ACAP2: variants seen among roughly 807,000 people sequenced by gnomAD.
ACAP2 encodes the protein ArfGAP with coiled-coil, ankyrin repeat and PH domains 2, also known as arf-GAP with coiled-coil, ANK repeat and PH domain-containing protein 2.
Under a neutral mutation model 115.8 loss-of-function variants are expected in ACAP2, and 39 were observed. The observed-to-expected ratio is 0.34, with a 90% CI of 0.26 to 0.44. The LOEUF (loss-of-function observed/expected upper bound fraction) is 0.44. Among genes scored for constraint, ACAP2 ranks in the 20% least tolerant of loss-of-function variants. The pLI is 1.00. For synonymous variants in ACAP2, 289 were observed against 315.8 expected (o/e 0.92, Z 0.90); for missense variants, 662 against 927.6 (o/e 0.71, Z 3.72).
At chr3:195,340,973 CTAAG>C (rs1229002113) in intron 6 of ACAP2, among the ~76,000 whole-genome samples, 1 of 152,070 alleles carries the variant, frequency 6.6e-6, no homozygotes, top group East Asian at 1.9e-4. Flanking sequence ...GCCAAGTTAC[CTAAG>C]TAATTTTTAA....
At chr3:195,280,745 C>T (rs1726448016) in intron 22 of ACAP2, 1 of 152,202 alleles carries the variant, frequency 6.6e-6, no homozygotes, top group Admixed American at 6.5e-5. Flanking sequence ...ATCAATCCCT[C>T]AGACGAAGGA....
At chr3:195,280,031 GTGCAGT>G (rs1349733978) in intron 22 of ACAP2, among the ~76,000 whole-genome samples, 1 of 151,538 alleles carries the variant, frequency 6.6e-6, no homozygotes, top group African/African-American at 2.4e-5. Context: ...ATCTAGCTGG[GTGCAGT>G]GCCTCACGCC....
intron 8 of ACAP2, among the ~76,000 whole-genome samples, chr3:195,327,935 C>T (rs1729904746): frequency 6.6e-6 from 1 of 150,722 alleles, no homozygotes; most frequent in African/African-American, 2.4e-5. Context: ...CATCAGCCCT[C>T]CACCAAAAAA....
chr3:195,298,354 C>T (rs1404668765), intron 15 of ACAP2, among the ~76,000 whole-genome samples: 1 of 148,556 alleles, frequency 6.7e-6, no homozygotes, highest in Admixed American at 6.8e-5. Context: ...GTCCCAGGTT[C>T]AAGTGATTCT....
intron 22 of ACAP2, among the ~76,000 whole-genome samples, chr3:195,280,504 A>T (rs1055612624): frequency 6.6e-6 from 1 of 152,194 alleles, no homozygotes; most frequent in African/African-American, 2.4e-5. Context: ...ATGGCTTTAA[A>T]ATCAGTTTTG....
intron 19 of ACAP2, 129 bp downstream of exon 19, chr3:195,292,136 C>A: frequency 8.6e-7 from 1 of 1,168,652 alleles, no homozygotes; most frequent in Non-Finnish European, 1.2e-6. Flanking sequence ...CTATTAATAG[C>A]ACAGAGGTTC....
chr3:195,300,689 G>T (rs1727989548), intron 15 of ACAP2, among the ~76,000 whole-genome samples: 1 of 152,088 alleles, frequency 6.6e-6, no homozygotes, highest in African/African-American at 2.4e-5. Context: ...TATTTAAAAA[G>T]AATCTAATCA....
At position 195,356,947 on chromosome 3, in the gene ACAP2, G is replaced by A. The variant is rs1190568353; in HGVS notation, c.286-11630C>T. Among the ~76,000 whole-genome samples, 4 of 151,690 alleles carry A rather than the reference G, an allele frequency of 2.6e-5. No individual in the cohort carries two copies. In the South Asian group the frequency reaches 6.3e-4, roughly 24 times the overall value. On this transcript the variant is annotated intron_variant, in intron 4 of 22. Transcript: ENST00000326793. ...AGACTCCTTCTGCTTGAGAAAAGGG[G>A]AGGGAAAAATAAAGGGGATTTTGTC...
intron 20 of ACAP2, among the ~76,000 whole-genome samples, chr3:195,290,768 G>A (rs374518053): frequency 6.6e-6 from 1 of 151,752 alleles, no homozygotes; most frequent in Non-Finnish European, 1.5e-5. Flanking sequence ...AGCTGAGATC[G>A]TGCTACTGCA....
intron 9 of ACAP2, chr3:195,326,651 A>T (rs944551501): frequency 4.7e-6 from 2 of 426,618 alleles, no homozygotes; most frequent in African/African-American, 4.0e-5. Context: ...TAAGAGATTC[A>T]AATTTTTATA....
chr3:195,298,184 CCAA>C (rs1261456785), intron 15 of ACAP2, among the ~76,000 whole-genome samples: 4 of 151,718 alleles, frequency 2.6e-5, no homozygotes, highest in African/African-American at 9.7e-5. Flanking sequence ...CTCTCTGGAC[CCAA>C]CAACAGGAGT....
intron 4 of ACAP2, among the ~76,000 whole-genome samples, chr3:195,365,442 T>C (rs1296559272): frequency 6.6e-6 from 1 of 152,114 alleles, no homozygotes; most frequent in African/African-American, 2.4e-5. Context: ...AATATTGTTT[T>C]AAAGAACAAA....
intron 4 of ACAP2, among the ~76,000 whole-genome samples, chr3:195,371,422 T>G (rs551966514): frequency 6.6e-6 from 1 of 152,336 alleles, no homozygotes; most frequent in African/African-American, 2.4e-5. Flanking sequence ...GAAACTTTGC[T>G]GAAGTTGTTT....
intron 9 of ACAP2, among the ~76,000 whole-genome samples, chr3:195,324,883 G>C (rs1435229028): frequency 1.3e-5 from 2 of 152,072 alleles, no homozygotes; most frequent in South Asian, 4.1e-4. Flanking sequence ...ATAAAAATAA[G>C]CTATATGAAA....
rs561859967 is a variant in ACAP2, at chr3:195,403,628, C to T, written c.54-11481G>A. The stretch of plus-strand genomic sequence containing the variant: ...GATGTGATATGCAAGCATATGCATG[C>T]GTACACCAGGTACAGGTAAATGTGT... On this transcript the variant is annotated intron_variant, in intron 1 of 22. Transcript: ENST00000326793. 5.6e-4 allele frequency among the ~76,000 whole-genome samples: 86 copies of T among 152,294 alleles called. 1 individual carries two copies. The highest frequency in any genetic ancestry group is 1.9e-3 in the African/African-American group (78 of 41,560).
chr3:195,290,640 G>A (rs1320704404), intron 20 of ACAP2, among the ~76,000 whole-genome samples: 2 of 151,400 alleles, frequency 1.3e-5, no homozygotes, highest in Non-Finnish European at 1.5e-5. Flanking sequence ...ATGAAACCTC[G>A]TCTCTACTAA....
intron 1 of ACAP2, among the ~76,000 whole-genome samples, chr3:195,424,261 G>GTGTGTATATATA (rs1456909404): frequency 5.3e-4 from 29 of 54,672 alleles, no homozygotes; most frequent in African/African-American, 1.8e-3. Flanking sequence ...GTGTGTGTGT[G>GTGTGTATATATA]TATATATATA....
At chr3:195,291,891 AT>A in intron 19 of ACAP2, 76 bp from the exon 20 acceptor site, 1 of 1,307,746 alleles carries the variant, frequency 7.6e-7, no homozygotes, top group South Asian at 1.5e-5. Flanking sequence ...TTTAAAAACA[AT>A]TGGTTTTCGT....
At chr3:195,299,835 C>G (rs1415457542) in intron 15 of ACAP2, among the ~76,000 whole-genome samples, 1 of 151,582 alleles carries the variant, frequency 6.6e-6, no homozygotes, top group African/African-American at 2.4e-5. Flanking sequence ...GAGACTCCCT[C>G]TCAAAAAAAA....
Sources: allele counts gnomAD v4.1 joint callset (sites outside exome capture counted in the v4.1 genomes callset), GRCh38; gene constraint gnomAD v4.1.1; transcripts MANE v1.5; gene names NCBI Gene and HGNC (gene_info 2026-07-23, HGNC 2026-07-21).